Variants in SIRPG observed in about 807,000 individuals in gnomAD.
SIRPG encodes the protein signal-regulatory protein gamma.
SIRPG carries 38 observed loss-of-function variants against 35.7 expected under a neutral mutation model. That is an observed-to-expected ratio of 1.06 (90% CI 0.82 to 1.40). The LOEUF (loss-of-function observed/expected upper bound fraction) is 1.40, where lower values mean the gene tolerates loss of function less well. Ranked by LOEUF, SIRPG falls within the 40% of genes most tolerant of loss-of-function variation. The pLI, the probability that SIRPG is intolerant of heterozygous loss-of-function variation, is 0.00. For synonymous variants in SIRPG, 215 were observed against 190.4 expected, an observed-to-expected ratio of 1.13 and a Z score of -1.06; for missense variants, 519 against 483.0, an observed-to-expected ratio of 1.07 and a Z score of -0.70.
At chr20:1,640,818 A>G (rs2091846194) in intron 2 of SIRPG, among the ~76,000 whole-genome samples, 1 of 152,160 alleles carries the variant, frequency 6.6e-6, no homozygotes, top group African/African-American at 2.4e-5. Context: ...TTTAGCATGA[A>G]GCGGTGTTGA....
intron 4 of SIRPG, among the ~76,000 whole-genome samples, chr20:1,634,248 C>T (rs944304232): frequency 6.7e-6 from 1 of 150,266 alleles, no homozygotes; most frequent in African/African-American, 2.5e-5. Flanking sequence ...GCTCTGTCGC[C>T]CAGGCTGGAG....
chr20:1,633,640 T>G (rs1027490173), intron 4 of SIRPG: 2 of 152,148 alleles, frequency 1.3e-5, no homozygotes, highest in Non-Finnish European at 2.9e-5. Context: ...CCATTTCCTA[T>G]ATTTACTCTT....
At chr20:1,655,287 C>A (rs2091968666) in intron 1 of SIRPG, among the ~76,000 whole-genome samples, 1 of 152,150 alleles carries the variant, frequency 6.6e-6, no homozygotes, top group South Asian at 2.1e-4. Flanking sequence ...AGGTGTCTAT[C>A]AGCAGATAAA....
chr20:1,680,221 C>T, the SIRPG span, among the ~76,000 whole-genome samples: 2 of 152,206 alleles, frequency 1.3e-5, no homozygotes, highest in African/African-American at 4.8e-5. Flanking sequence ...CTGTTGGAGT[C>T]TCTTCACCAC....
chr20:1,661,477 A>G (rs139969806), upstream of SIRPG, among the ~76,000 whole-genome samples: 1 of 152,350 alleles, frequency 6.6e-6, no homozygotes, highest in African/African-American at 2.4e-5. Flanking sequence ...AGGAGACACC[A>G]TGTAGAAATA....
At chr20:1,666,136 A>T in the SIRPG span, among the ~76,000 whole-genome samples, 1 of 152,174 alleles carries the variant, frequency 6.6e-6, no homozygotes. Context: ...GAAAAAAAAA[A>T]AAGACAAAGT....
At chr20:1,644,023 C>T (rs888562768) in intron 2 of SIRPG, among the ~76,000 whole-genome samples, 12 of 152,140 alleles carry the variant, frequency 7.9e-5, no homozygotes, top group African/African-American at 2.9e-4. Flanking sequence ...CCGACAACCC[C>T]TATTAGAGGG....
the SIRPG span, among the ~76,000 whole-genome samples, chr20:1,678,227 A>G: frequency 6.7e-4 from 97 of 145,458 alleles, no homozygotes; most frequent in Admixed American, 6.6e-3. Context: ...TCCTTCTTAT[A>G]AGGACTCATG....
At chr20:1,629,710 C>T (rs1160713463) in intron 5 of SIRPG, 74 bp from the exon 6 acceptor site, 1 of 156,308 alleles carries the variant, frequency 6.4e-6, no homozygotes, top group Non-Finnish European at 1.4e-5. Context: ...CTGTTATGTT[C>T]TCGGGGCTGG....
chr20:1,673,648 A>G, the SIRPG span, among the ~76,000 whole-genome samples: 2 of 152,042 alleles, frequency 1.3e-5, no homozygotes, highest in Non-Finnish European at 2.9e-5. Context: ...GAAACCACCA[A>G]GTGAGGATTC....
chr20:1,684,346 CAAT>C, the SIRPG span, among the ~76,000 whole-genome samples: 10 of 151,490 alleles, frequency 6.6e-5, no homozygotes, highest in Non-Finnish European at 1.3e-4. Flanking sequence ...AAAAAGATAA[CAAT>C]AAATGTGAAA....
intron 4 of SIRPG, 147 bp from the exon 5 acceptor site, chr20:1,630,453 C>A (rs1057472218): frequency 6.4e-6 from 4 of 622,184 alleles, no homozygotes; most frequent in Non-Finnish European, 1.1e-5. Flanking sequence ...TTCACTCCAG[C>A]ACAAGGCAGA....
At chr20:1,634,788 A>T (rs1379070826) in intron 4 of SIRPG, among the ~76,000 whole-genome samples, 1 of 152,106 alleles carries the variant, frequency 6.6e-6, no homozygotes, top group Admixed American at 6.5e-5. Flanking sequence ...TCACGCCTGT[A>T]ATCCCAGCAC....
At chr20:1,673,524 T>C in the SIRPG span, among the ~76,000 whole-genome samples, 3 of 151,442 alleles carry the variant, frequency 2.0e-5, no homozygotes, top group African/African-American at 4.9e-5. Flanking sequence ...TTACTGCTTC[T>C]AAATCTACAC....
chr20:1,643,040 A>T (rs1486588885), intron 2 of SIRPG, among the ~76,000 whole-genome samples: 1 of 151,930 alleles, frequency 6.6e-6, no homozygotes, highest in East Asian at 1.9e-4. Context: ...TCTGATTATT[A>T]TGTGTCTTGG....
the SIRPG span, among the ~76,000 whole-genome samples, chr20:1,669,300 C>A: frequency 6.6e-6 from 1 of 152,220 alleles, no homozygotes; most frequent in Admixed American, 6.5e-5. Context: ...TTCTGAGTTT[C>A]TCTTCTGTAA....
chr20:1,660,342 CCAAA>C (rs1371705721), upstream of SIRPG, among the ~76,000 whole-genome samples: 5 of 151,970 alleles, frequency 3.3e-5, no homozygotes, highest in African/African-American at 7.3e-5. Flanking sequence ...AGAGACACAC[CCAAA>C]CAAAGTAATG....
chr20:1,670,866 T>G, the SIRPG span: 1 of 265,286 alleles, frequency 3.8e-6, no homozygotes, highest in Non-Finnish European at 7.7e-6. Context: ...GGGCTAGGAG[T>G]GAGGATTCTC....
At chr20:1,634,302 G>T (rs539013453) in intron 4 of SIRPG, among the ~76,000 whole-genome samples, 2 of 151,022 alleles carry the variant, frequency 1.3e-5, no homozygotes, top group East Asian at 3.9e-4. Flanking sequence ...CGCCTCCTGG[G>T]TTCACACCAT....
Sources: allele counts gnomAD v4.1 joint callset (sites outside exome capture counted in the v4.1 genomes callset), GRCh38; gene constraint gnomAD v4.1.1; transcripts MANE v1.5; gene names NCBI Gene and HGNC (gene_info 2026-07-23, HGNC 2026-07-21).